CAMTA1: variants seen among roughly 807,000 people sequenced by gnomAD.
CAMTA1 encodes the protein calmodulin-binding transcription activator 1.
In CAMTA1, 27 loss-of-function variants were observed where a neutral mutation model predicts 170.9. The observed-to-expected ratio is 0.16, with a 90% confidence interval of 0.12 to 0.22. The LOEUF is 0.22. CAMTA1 is among the 10% of genes least tolerant of loss of function. The probability of loss-of-function intolerance (pLI) is 1.00; values close to 1 mark genes in which losing one functional copy is unlikely to be tolerated. For missense variants in CAMTA1, 1,619 were observed against 2,217.2 expected (o/e 0.73, Z 5.42); for synonymous variants, 833 against 891.5 (o/e 0.93, Z 1.17).
At chr1:7,349,484 G>A (rs1249960274) in intron 5 of CAMTA1, among the ~76,000 whole-genome samples, 1 of 152,228 alleles carries the variant, frequency 6.6e-6, no homozygotes, top group Non-Finnish European at 1.5e-5. Flanking sequence ...CCCATGCCAT[G>A]TGTGTACTCT....
chr1:7,177,494 C>T (rs140639525), intron 4 of CAMTA1, among the ~76,000 whole-genome samples: 20 of 149,384 alleles, frequency 1.3e-4, no homozygotes, highest in East Asian at 1.0e-3. Context: ...ACTGAAGCCC[C>T]TCCCACACAC....
At chr1:7,512,184 T>C (rs1268370886) in intron 6 of CAMTA1, among the ~76,000 whole-genome samples, 1 of 152,216 alleles carries the variant, frequency 6.6e-6, no homozygotes, top group Non-Finnish European at 1.5e-5. Context: ...TACCAATCAC[T>C]GTTCTGGGTG....
intron 6 of CAMTA1, among the ~76,000 whole-genome samples, chr1:7,563,047 C>G (rs1281396971): frequency 6.6e-6 from 1 of 152,238 alleles, no homozygotes; most frequent in African/African-American, 2.4e-5. Context: ...CAGCCAGCCC[C>G]TGCTGGGACT....
At chr1:6,896,624 T>G (rs1321004000) in intron 3 of CAMTA1, among the ~76,000 whole-genome samples, 1 of 152,172 alleles carries the variant, frequency 6.6e-6, no homozygotes, top group Non-Finnish European at 1.5e-5. Flanking sequence ...TGGTAATGGC[T>G]ACTGATACCT....
At chr1:7,589,990 C>G (rs774696535) in intron 6 of CAMTA1, among the ~76,000 whole-genome samples, 4 of 152,146 alleles carry the variant, frequency 2.6e-5, no homozygotes, top group Non-Finnish European at 5.9e-5. Flanking sequence ...ATTTTAAAGC[C>G]CTTTGCACAC....
intron 5 of CAMTA1, among the ~76,000 whole-genome samples, chr1:7,262,332 C>T (rs1242055102): frequency 5.3e-5 from 8 of 152,032 alleles, no homozygotes; most frequent in East Asian, 1.9e-4. Context: ...GAGGCCGAGG[C>T]GGGCGGATCA....
chr1:7,171,029 C>G (rs1044713220), intron 4 of CAMTA1, among the ~76,000 whole-genome samples: 2 of 152,094 alleles, frequency 1.3e-5, no homozygotes, highest in Admixed American at 6.5e-5. Flanking sequence ...TCAGTTTGAC[C>G]TATACTGAGA....
At chr1:7,177,679 C>T (rs1651201610) in intron 4 of CAMTA1, among the ~76,000 whole-genome samples, 1 of 151,514 alleles carries the variant, frequency 6.6e-6, no homozygotes, top group Admixed American at 6.6e-5. Flanking sequence ...CAAAACCCTG[C>T]CCATATACCA....
intron 5 of CAMTA1, among the ~76,000 whole-genome samples, chr1:7,337,304 G>A (rs1329377830): frequency 6.6e-6 from 1 of 152,204 alleles, no homozygotes; most frequent in East Asian, 1.9e-4. Context: ...GTTAGGAGAG[G>A]GCGTGTCTGA....
intron 3 of CAMTA1, among the ~76,000 whole-genome samples, chr1:7,051,179 G>T (rs760121690): frequency 2.6e-4 from 39 of 152,180 alleles, no homozygotes; most frequent in Non-Finnish European, 4.6e-4. Flanking sequence ...AGCACCTCGG[G>T]TCTGAACGTT....
chr1:7,098,734 C>A (rs1642382621), intron 4 of CAMTA1, among the ~76,000 whole-genome samples: 1 of 152,192 alleles, frequency 6.6e-6, no homozygotes, highest in Non-Finnish European at 1.5e-5. Flanking sequence ...AGGAAGTTGG[C>A]CGTGGCGGGG....
intron 5 of CAMTA1, among the ~76,000 whole-genome samples, chr1:7,425,962 C>T (rs1348727841): frequency 6.6e-6 from 1 of 152,208 alleles, no homozygotes; most frequent in Non-Finnish European, 1.5e-5. Context: ...TGTACCTGCC[C>T]TGTGCCAGGC....
At chr1:7,420,818 G>C (rs1410631078) in intron 5 of CAMTA1, among the ~76,000 whole-genome samples, 1 of 152,200 alleles carries the variant, frequency 6.6e-6, no homozygotes, top group Non-Finnish European at 1.5e-5. Context: ...ACCCAGCCAG[G>C]GGGGCAGAGG....
rs2096785514 is a variant in CAMTA1, at chr1:7,738,282, A to G, written c.3982A>G (p.Ile1328Val). ...AAAGTGGAATTCCAAAGATCTTTAC[A>G]TTGGTGTGTCTACAGTACAGGTGAC... ...VGKWNSKDLY[I>V]GVSTVQVTGN... Residue 1328 changes from isoleucine (I) to valine (V), a missense_variant, in exon 16 of 23, where the codon ATT (isoleucine) becomes GTT (valine). Ile to Val is a conservative substitution (Grantham distance 29). Around this residue, in one of 8 missense-constraint regions of CAMTA1, gnomAD observed 370 missense variants for 429.4 expected, o/e 0.86. Transcript: ENST00000303635. This position sits in a 1 kb window ranked among gnomAD's most constrained non-coding sequence, Gnocchi z 4.9. 11 of 1,614,112 alleles carry G rather than the reference A, an allele frequency of 6.8e-6. No individual in the cohort carries two copies. Among genetic ancestry groups the G allele is most frequent in the Non-Finnish European group, 8.5e-6 (10 of 1,180,020 alleles).
At chr1:6,998,583 A>G (rs1446436075) in intron 3 of CAMTA1, among the ~76,000 whole-genome samples, 1 of 152,188 alleles carries the variant, frequency 6.6e-6, no homozygotes, top group Non-Finnish European at 1.5e-5. Context: ...TCCACTCCCC[A>G]TGCACTTTGC....
Position 7,248,636 on chromosome 1 carries a change from G to T in CAMTA1, c.303-855G>T, listed in dbSNP as rs1666190970. ...GGGGTTTAGTTCTTTCTCTCCTTGG[G>T]GTTTCCAAACCCAAATATGTGACCT... On this transcript the variant is annotated intron_variant, in intron 4 of 22. Coordinates refer to ENST00000303635, the MANE Select transcript of CAMTA1 (RefSeq NM_015215.4). This position sits in a 1 kb window ranked among gnomAD's most constrained non-coding sequence, Gnocchi z 4.0. Among the ~76,000 whole-genome samples the T allele has an allele frequency of 6.6e-6, 1 of 151,952 alleles. No homozygotes were observed. The highest frequency in any genetic ancestry group is 6.6e-5 in the Admixed American group (1 of 15,242).
At position 7,441,857 on chromosome 1, in the gene CAMTA1, T is replaced by G. The variant is rs566485345; in HGVS notation, c.439-25973T>G. ...AGCATGGTAGGATCATGCCCACTTC[T>G]CCCTGCTCTTAGACCAACGTGGGTT... On this transcript the variant is annotated intron_variant, in intron 5 of 22. Transcript: ENST00000303635. Among the ~76,000 whole-genome samples the G allele has an allele frequency of 3.3e-3, 500 of 152,240 alleles. 2 individuals carry two copies. Among genetic ancestry groups the G allele is most frequent in the Non-Finnish European group, 5.9e-3 (399 of 68,026 alleles).
chr1:7,500,600 C>T (rs1031278354), intron 6 of CAMTA1, among the ~76,000 whole-genome samples: 4 of 152,104 alleles, frequency 2.6e-5, no homozygotes, highest in Non-Finnish European at 5.9e-5. Flanking sequence ...TGGGTCCTGC[C>T]CGCTTCTGTA....
At chr1:7,650,349 G>A (rs2095840704) in intron 7 of CAMTA1, among the ~76,000 whole-genome samples, 1 of 152,228 alleles carries the variant, frequency 6.6e-6, no homozygotes, top group Non-Finnish European at 1.5e-5. Context: ...TGTGAGGCCA[G>A]TTACAGGGGT....
Sources: gnomAD v4.1 joint callset for allele counts (sites outside exome capture counted in the v4.1 genomes callset) on GRCh38, gnomAD v4.1.1 for gene constraint, gnomAD v4.1.1 regional missense constraint, Gnocchi (gnomAD v3.1) non-coding constraint, MANE v1.5 for transcripts, NCBI Gene and HGNC (gene_info 2026-07-23, HGNC 2026-07-21) for gene names.